VAV3: variants seen among roughly 807,000 people sequenced by gnomAD.
The protein encoded by VAV3 is vav guanine nucleotide exchange factor 3.
A neutral mutation model predicts 131.2 loss-of-function variants in VAV3; 94 were observed. The observed-to-expected ratio is 0.72, with a 90% CI of 0.61 to 0.85. The LOEUF is 0.85. Ranked by LOEUF, VAV3 falls within the 40% of genes least tolerant of loss-of-function variation. VAV3 has a pLI of 0.00. For synonymous variants in VAV3, 349 were observed against 342.0 expected (o/e 1.02, Z -0.22); for missense variants, 939 against 1,002.7 (o/e 0.94, Z 0.86).
intron 2 of VAV3, among the ~76,000 whole-genome samples, chr1:107,868,612 G>A (rs1670111610): frequency 6.6e-6 from 1 of 152,156 alleles, no homozygotes; most frequent in African/African-American, 2.4e-5. Flanking sequence ...TGACTATGAA[G>A]CTGGGACTGT....
chr1:107,953,113 A>G (rs1187046004), intron 1 of VAV3, among the ~76,000 whole-genome samples: 2 of 152,156 alleles, frequency 1.3e-5, no homozygotes, highest in Non-Finnish European at 2.9e-5. Flanking sequence ...GGCAGCAGGA[A>G]CGGGAAACTT....
chr1:107,688,629 C>T (rs1659201910), intron 17 of VAV3: 1 of 1,201,570 alleles, frequency 8.3e-7, no homozygotes, highest in Non-Finnish European at 1.1e-6. Context: ...TTTTAAATGA[C>T]TTCTAGGTTA....
At chr1:107,665,373 T>A (rs1657339423) in intron 19 of VAV3, among the ~76,000 whole-genome samples, 1 of 152,180 alleles carries the variant, frequency 6.6e-6, no homozygotes, top group African/African-American at 2.4e-5. Context: ...GTTTTTCTTA[T>A]CACATGGGCC....
At chr1:107,949,307 T>C (rs1176160290) in intron 1 of VAV3, among the ~76,000 whole-genome samples, 1 of 143,022 alleles carries the variant, frequency 7.0e-6, no homozygotes, top group African/African-American at 2.7e-5. Flanking sequence ...TTTTTGTTTA[T>C]TTTTGTTTGT....
intron 19 of VAV3, among the ~76,000 whole-genome samples, chr1:107,673,111 T>A (rs781524985): frequency 6.6e-6 from 1 of 152,172 alleles, no homozygotes; most frequent in Non-Finnish European, 1.5e-5. Context: ...TTTATAAAAA[T>A]AAAAATTAGA....
intron 15 of VAV3, among the ~76,000 whole-genome samples, chr1:107,705,624 C>T (rs1008551094): frequency 2.6e-5 from 4 of 152,204 alleles, no homozygotes; most frequent in African/African-American, 9.6e-5. Flanking sequence ...AATAATTTTA[C>T]CATTTATTTT....
intron 2 of VAV3, among the ~76,000 whole-genome samples, chr1:107,856,284 C>A (rs1267804845): frequency 6.6e-6 from 1 of 152,146 alleles, no homozygotes; most frequent in African/African-American, 2.4e-5. Context: ...AGTGAAATAT[C>A]CCACATTGCT....
intron 16 of VAV3, 114 bp downstream of exon 16, chr1:107,704,846 G>T: frequency 1.7e-6 from 2 of 1,193,148 alleles, no homozygotes; most frequent in Non-Finnish European, 2.4e-6. Context: ...GATCCAGACT[G>T]CTAAGGCAAA....
intron 1 of VAV3, among the ~76,000 whole-genome samples, chr1:107,936,729 G>T (rs1410334489): frequency 3.3e-5 from 5 of 152,200 alleles, no homozygotes; most frequent in African/African-American, 1.2e-4. Flanking sequence ...GCCAAGGGCT[G>T]CTGACATTGC....
chr1:107,682,343 C>T (rs764222090), intron 19 of VAV3, among the ~76,000 whole-genome samples: 2 of 152,040 alleles, frequency 1.3e-5, no homozygotes, highest in Non-Finnish European at 2.9e-5. Flanking sequence ...TACTATAACT[C>T]ACACAAAATA....
At chr1:107,819,018 G>C (rs1202276795) in intron 2 of VAV3, among the ~76,000 whole-genome samples, 1 of 151,992 alleles carries the variant, frequency 6.6e-6, no homozygotes, top group Non-Finnish European at 1.5e-5. Flanking sequence ...TTTTTTGTTT[G>C]TTATCTTAAA....
In VAV3 at chr1:107,667,647, ATAAAT is replaced by A. The variant is rs201915427; in HGVS notation, c.1777+15836_1777+15840del. On this transcript the variant is annotated intron_variant, in intron 19 of 26. Transcript: ENST00000370056. ...CAACACAGAAAAACAATCATCCTCT[ATAAAT>A]TATTTAAAATAGCAACATCCTGCTT... Among the ~76,000 whole-genome samples, 933 of 152,288 alleles carry A rather than the reference ATAAAT, an allele frequency of 6.1e-3. 14 individuals are homozygous for A. Among genetic ancestry groups the A allele is most frequent in the African/African-American group, 0.021 (873 of 41,562 alleles).
At chr1:107,589,759 A>G (rs1385960680) in intron 25 of VAV3, among the ~76,000 whole-genome samples, 1 of 152,220 alleles carries the variant, frequency 6.6e-6, no homozygotes, top group Non-Finnish European at 1.5e-5. Flanking sequence ...GCAGGTGAAT[A>G]TGGGAATGCT....
intron 25 of VAV3, among the ~76,000 whole-genome samples, chr1:107,579,257 C>G (rs1649866406): frequency 6.6e-6 from 1 of 152,212 alleles, no homozygotes; most frequent in Non-Finnish European, 1.5e-5. Context: ...ATGTTTTTCC[C>G]TTATGAATGC....
intron 12 of VAV3, among the ~76,000 whole-genome samples, chr1:107,752,993 C>T (rs1409449057): frequency 6.6e-6 from 1 of 152,076 alleles, no homozygotes; most frequent in Non-Finnish European, 1.5e-5. Flanking sequence ...GATATTGGTA[C>T]ACCTGTGACA....
intron 10 of VAV3, 84 bp from the exon 11 acceptor site, chr1:107,757,413 T>C (rs1214877357): frequency 2.7e-6 from 3 of 1,122,744 alleles, no homozygotes; most frequent in African/African-American, 1.6e-5. Context: ...AAATAAACCA[T>C]TATTATTGGT....
intron 1 of VAV3, among the ~76,000 whole-genome samples, chr1:107,951,240 T>C (rs1429427502): frequency 2.0e-5 from 3 of 152,214 alleles, no homozygotes; most frequent in Non-Finnish European, 2.9e-5. Context: ...TAACCATTCA[T>C]GTCTCTGTCC....
At chr1:107,894,690 T>C (rs1304117924) in intron 1 of VAV3, among the ~76,000 whole-genome samples, 7 of 152,362 alleles carry the variant, frequency 4.6e-5, no homozygotes, top group East Asian at 3.9e-4. Context: ...ATAAATATTA[T>C]AGGGTGTTAC....
At chr1:107,588,034 T>A (rs1158855101) in intron 25 of VAV3, among the ~76,000 whole-genome samples, 2 of 152,234 alleles carry the variant, frequency 1.3e-5, no homozygotes, top group Non-Finnish European at 2.9e-5. Flanking sequence ...TGAATGAGGT[T>A]ATCTGAATCT....
Sources: gnomAD v4.1 joint callset for allele counts (sites outside exome capture counted in the v4.1 genomes callset) on GRCh38, gnomAD v4.1.1 for gene constraint, MANE v1.5 for transcripts, NCBI Gene and HGNC (gene_info 2026-07-23, HGNC 2026-07-21) for gene names.